Variants in RBPJ observed in about 807,000 individuals in gnomAD.
The protein encoded by RBPJ is recombining binding protein suppressor of hairless.
Under a neutral mutation model 67.8 loss-of-function variants are expected in RBPJ, and 9 were observed. That is an observed-to-expected ratio of 0.13 (90% CI 0.08 to 0.23). RBPJ has a LOEUF of 0.23. RBPJ is among the 10% of genes least tolerant of loss of function. The pLI is 1.00. For missense variants in RBPJ, 305 were observed against 595.6 expected (o/e 0.51, Z 5.08); for synonymous variants, 198 against 203.3 (o/e 0.97, Z 0.22).
At chr4:26,197,668 C>G (rs898380289) in intron 1 of RBPJ, among the ~76,000 whole-genome samples, 9 of 152,140 alleles carry the variant, frequency 5.9e-5, no homozygotes, top group Admixed American at 3.3e-4. Context: ...AAACTACCTG[C>G]CGCAGAAATT....
At chr4:26,429,814 G>A in intron 8 of RBPJ, 84 bp from the exon 9 acceptor site, 1 of 1,139,162 alleles carries the variant, frequency 8.8e-7, no homozygotes, top group Admixed American at 2.1e-5. Context: ...ATTAACTCTT[G>A]TCTGAGGGTT....
At chr4:26,191,696 A>G (rs1185438344) in intron 1 of RBPJ, among the ~76,000 whole-genome samples, 2 of 152,212 alleles carry the variant, frequency 1.3e-5, no homozygotes, top group East Asian at 3.9e-4. Flanking sequence ...AATGTGGTCT[A>G]CCAGGGAAGC....
At chr4:26,192,210 T>C (rs542061299) in intron 1 of RBPJ, among the ~76,000 whole-genome samples, 22 of 152,274 alleles carry the variant, frequency 1.4e-4, no homozygotes, top group Admixed American at 1.0e-3. Flanking sequence ...GTTTCAACCA[T>C]GTTGGCCAGG....
At chr4:26,385,857 C>T (rs1413205500) in intron 1 of RBPJ, among the ~76,000 whole-genome samples, 1 of 151,316 alleles carries the variant, frequency 6.6e-6, no homozygotes, top group Non-Finnish European at 1.5e-5. Context: ...GGCTGGAGTG[C>T]AGTGGCACGA....
intron 1 of RBPJ, among the ~76,000 whole-genome samples, chr4:26,225,508 A>G (rs549758689): frequency 1.3e-5 from 2 of 152,294 alleles, no homozygotes; most frequent in African/African-American, 4.8e-5. Context: ...GTTATTCTGT[A>G]TGATACAGTA....
chr4:26,416,038 T>A (rs1407350358), intron 4 of RBPJ, among the ~76,000 whole-genome samples: 1 of 152,196 alleles, frequency 6.6e-6, no homozygotes, highest in Non-Finnish European at 1.5e-5. Flanking sequence ...CACGATGATA[T>A]ATACATTGTG....
At position 26,424,559 on chromosome 4, in the gene RBPJ, T is replaced by G; in HGVS notation, c.635-72T>G. ...TGATGAGATACATGGATATATTAAG[T>G]TTTGTCATTTGCCTAATCATAAAAT... On this transcript the variant is annotated intron_variant, in intron 6 of 10. Transcript: ENST00000355476. The surrounding 1 kb of genome is among the most constrained non-coding windows in gnomAD (Gnocchi z 5.3). 1 of 1,565,478 alleles carries G rather than the reference T, an allele frequency of 6.4e-7. No homozygotes were observed. Among genetic ancestry groups the G allele is most frequent in the Non-Finnish European group, 8.8e-7 (1 of 1,142,628 alleles).
At chr4:26,236,803 A>G (rs1719466721) in intron 1 of RBPJ, among the ~76,000 whole-genome samples, 2 of 152,184 alleles carry the variant, frequency 1.3e-5, no homozygotes, top group Admixed American at 1.3e-4. Flanking sequence ...ATTAAATGAA[A>G]CAACCCATGT....
intron 1 of RBPJ, among the ~76,000 whole-genome samples, chr4:26,257,061 T>C (rs1720364480): frequency 6.6e-6 from 1 of 152,232 alleles, no homozygotes; most frequent in South Asian, 2.1e-4. Flanking sequence ...GCTTCAGGAA[T>C]CATAGTATTC....
intron 1 of RBPJ, among the ~76,000 whole-genome samples, chr4:26,194,779 A>T (rs1413977397): frequency 6.6e-6 from 1 of 152,186 alleles, no homozygotes; most frequent in Non-Finnish European, 1.5e-5. Context: ...CACACGATAC[A>T]AATGCAAAAT....
At chr4:26,156,611 T>C in the RBPJ span, among the ~76,000 whole-genome samples, 2 of 73,002 alleles carry the variant, frequency 2.7e-5, no homozygotes, top group African/African-American at 5.8e-5. Context: ...GTAGAGCCCA[T>C]GTCCAGCCAA....
At chr4:26,282,764 A>G (rs899309515) in intron 1 of RBPJ, among the ~76,000 whole-genome samples, 1 of 151,728 alleles carries the variant, frequency 6.6e-6, no homozygotes, top group Non-Finnish European at 1.5e-5. Flanking sequence ...CAGGTGATCC[A>G]CCCACCTTGG....
intron 1 of RBPJ, among the ~76,000 whole-genome samples, chr4:26,206,397 C>G (rs867722378): frequency 3.9e-5 from 6 of 152,212 alleles, no homozygotes; most frequent in Admixed American, 3.9e-4. Flanking sequence ...ATTCCTCCCC[C>G]TCCCAGGAGC....
chr4:26,354,117 G>C (rs1426239804), intron 1 of RBPJ, among the ~76,000 whole-genome samples: 2 of 151,376 alleles, frequency 1.3e-5, no homozygotes, highest in Admixed American at 6.6e-5. Flanking sequence ...TTTTTTAGTA[G>C]AGACGGGGTT....
At chr4:26,398,070 TTGTGTG>T (rs10535928) in intron 2 of RBPJ, among the ~76,000 whole-genome samples, 22 of 150,858 alleles carry the variant, frequency 1.5e-4, no homozygotes, top group South Asian at 2.1e-4. Context: ...ACGAGTGATA[TTGTGTG>T]TGTGTGTGTG....
intron 2 of RBPJ, among the ~76,000 whole-genome samples, chr4:26,398,928 G>T (rs1165015409): frequency 6.6e-6 from 1 of 152,138 alleles, no homozygotes; most frequent in African/African-American, 2.4e-5. Flanking sequence ...TCAGAATTCT[G>T]TGTGTTATAT....
the RBPJ span, among the ~76,000 whole-genome samples, chr4:26,156,737 G>C: frequency 6.6e-6 from 1 of 151,972 alleles, no homozygotes; most frequent in Non-Finnish European, 1.5e-5. Flanking sequence ...TTACAGACAT[G>C]AGCCACCATG....
At chr4:26,252,348 C>T (rs987709382) in intron 1 of RBPJ, among the ~76,000 whole-genome samples, 6 of 152,252 alleles carry the variant, frequency 3.9e-5, no homozygotes, top group East Asian at 3.9e-4. Context: ...GTAGTCCCAG[C>T]ACTTTGGGAG....
At chr4:26,144,539 G>A in the RBPJ span, among the ~76,000 whole-genome samples, 13 of 152,170 alleles carry the variant, frequency 8.5e-5, no homozygotes, top group African/African-American at 3.1e-4. Flanking sequence ...CAAACTGCTA[G>A]GATTACAGAT....
Sources: allele counts gnomAD v4.1 joint callset (sites outside exome capture counted in the v4.1 genomes callset), GRCh38; gene constraint gnomAD v4.1.1; non-coding constraint Gnocchi (gnomAD v3.1); transcripts MANE v1.5; gene names NCBI Gene and HGNC (gene_info 2026-07-23, HGNC 2026-07-21).